NXPE2: variants seen among roughly 807,000 people sequenced by gnomAD.
NXPE2 encodes NXPE family member 2.
NXPE2 carries 34 observed loss-of-function variants against 34.4 expected under a neutral mutation model. The ratio of observed to expected loss-of-function variants is 0.99; its 90% CI spans 0.75 to 1.31. The LOEUF (loss-of-function observed/expected upper bound fraction) is 1.31. NXPE2 is among the 40% of genes most tolerant of loss of function. The pLI, the probability that NXPE2 is intolerant of heterozygous loss-of-function variation, is 0.00. For missense variants in NXPE2, 649 were observed against 672.5 expected, an observed-to-expected ratio of 0.97 and a Z score of 0.39; for synonymous variants, 235 against 231.3, an observed-to-expected ratio of 1.02 and a Z score of -0.15.
chr11:114,643,396 C>G, the NXPE2 span, among the ~76,000 whole-genome samples: 1 of 152,060 alleles, frequency 6.6e-6, no homozygotes, highest in Non-Finnish European at 1.5e-5. Flanking sequence ...TTAGGTCTTA[C>G]ATTTAAGTCT....
At chr11:114,720,379 C>T in the NXPE2 span, among the ~76,000 whole-genome samples, 7 of 152,186 alleles carry the variant, frequency 4.6e-5, no homozygotes, top group African/African-American at 1.7e-4. Flanking sequence ...TATCTGAAGG[C>T]CTGCTTCTCC....
the NXPE2 span, among the ~76,000 whole-genome samples, chr11:114,624,189 C>T: frequency 4.6e-5 from 7 of 152,058 alleles, no homozygotes; most frequent in East Asian, 1.3e-3. Flanking sequence ...ATAACTATTG[C>T]CTCTAGGGTA....
At chr11:114,558,110 A>G in the NXPE2 span, among the ~76,000 whole-genome samples, 7 of 152,188 alleles carry the variant, frequency 4.6e-5, no homozygotes, top group African/African-American at 7.2e-5. Context: ...TTGCTCTCAA[A>G]AGGAGACTAT....
chr11:114,566,430 T>G, the NXPE2 span, among the ~76,000 whole-genome samples: 1 of 151,550 alleles, frequency 6.6e-6, no homozygotes, highest in South Asian at 2.1e-4. Flanking sequence ...AGTGAGTGAG[T>G]GAATAAAGAA....
At chr11:114,653,783 C>A in the NXPE2 span, among the ~76,000 whole-genome samples, 1 of 152,054 alleles carries the variant, frequency 6.6e-6, no homozygotes, top group African/African-American at 2.4e-5. Flanking sequence ...CCATCTCGGC[C>A]TCCCAAAGTG....
chr11:114,757,199 C>G, the NXPE2 span, among the ~76,000 whole-genome samples: 3 of 151,948 alleles, frequency 2.0e-5, no homozygotes, highest in African/African-American at 7.3e-5. Flanking sequence ...ATACAGGAAG[C>G]ACTCAGTAGA....
At chr11:114,541,132 A>G in the NXPE2 span, among the ~76,000 whole-genome samples, 1 of 152,062 alleles carries the variant, frequency 6.6e-6, no homozygotes, top group Non-Finnish European at 1.5e-5. Flanking sequence ...AGTTGAACCA[A>G]GTTAATCGAT....
chr11:114,798,534 C>T, the NXPE2 span, among the ~76,000 whole-genome samples: 2 of 152,184 alleles, frequency 1.3e-5, no homozygotes, highest in East Asian at 3.9e-4. Flanking sequence ...CAGGCACATG[C>T]CACCATGCCT....
At chr11:114,741,755 A>C in the NXPE2 span, among the ~76,000 whole-genome samples, 5 of 152,036 alleles carry the variant, frequency 3.3e-5, no homozygotes, top group Non-Finnish European at 5.9e-5. Context: ...CTTGTAGTTC[A>C]CTGAGATGTC....
chr11:114,628,896 C>A, the NXPE2 span, among the ~76,000 whole-genome samples: 1 of 151,970 alleles, frequency 6.6e-6, no homozygotes, highest in South Asian at 2.1e-4. Context: ...ACAAACACCT[C>A]TATGCAAATA....
the NXPE2 span, among the ~76,000 whole-genome samples, chr11:114,523,596 G>A: frequency 6.6e-6 from 1 of 152,074 alleles, no homozygotes; most frequent in African/African-American, 2.4e-5. Flanking sequence ...ACAATTTTTT[G>A]TAAAACCAGA....
the NXPE2 span, among the ~76,000 whole-genome samples, chr11:114,466,230 G>T: frequency 9.9e-5 from 15 of 152,204 alleles, no homozygotes; most frequent in South Asian, 2.1e-3. Flanking sequence ...TGAAATTCCT[G>T]CAGTGAAAAT....
At chr11:114,465,553 G>A in the NXPE2 span, among the ~76,000 whole-genome samples, 20 of 152,170 alleles carry the variant, frequency 1.3e-4, no homozygotes, top group African/African-American at 4.8e-4. Flanking sequence ...GTGATTGGAA[G>A]AGGGCTATGC....
chr11:114,637,036 T>C, the NXPE2 span, among the ~76,000 whole-genome samples: 3 of 152,178 alleles, frequency 2.0e-5, no homozygotes, highest in East Asian at 3.9e-4. Flanking sequence ...TTCTGTCTCA[T>C]TGATCTGTCT....
chr11:114,580,353 A>G, the NXPE2 span: 45 of 1,608,468 alleles, frequency 2.8e-5, 2 homozygotes, highest in South Asian at 4.1e-4. Flanking sequence ...CAAAGAATCA[A>G]TGAGATAGGA....
At chr11:114,639,375 CTT>C in the NXPE2 span, among the ~76,000 whole-genome samples, 1 of 151,346 alleles carries the variant, frequency 6.6e-6, no homozygotes. Flanking sequence ...TCTGTTACCC[CTT>C]TCTTTGATTA....
chr11:114,638,532 A>G, the NXPE2 span, among the ~76,000 whole-genome samples: 11 of 151,998 alleles, frequency 7.2e-5, no homozygotes, highest in Middle Eastern at 3.4e-3. Flanking sequence ...TTCGAGGAGG[A>G]GAGGTGCTCT....
At chr11:114,573,487 G>A in the NXPE2 span, among the ~76,000 whole-genome samples, 1 of 151,808 alleles carries the variant, frequency 6.6e-6, no homozygotes, top group Non-Finnish European at 1.5e-5. Context: ...TAACACATAA[G>A]AACTCACATA....
At chr11:114,533,214 A>C in the NXPE2 span, among the ~76,000 whole-genome samples, 1 of 152,222 alleles carries the variant, frequency 6.6e-6, no homozygotes, top group Non-Finnish European at 1.5e-5. Context: ...AGAGTTAGCA[A>C]ATTATTAGTA....
Sources: gnomAD v4.1 joint callset for allele counts (sites outside exome capture counted in the v4.1 genomes callset) on GRCh38, gnomAD v4.1.1 for gene constraint, MANE v1.5 for transcripts, NCBI Gene and HGNC (gene_info 2026-07-23, HGNC 2026-07-21) for gene names.